Variants in GNAO1 observed in about 807,000 individuals in gnomAD.
GNAO1 encodes the protein G protein subunit alpha o1.
For missense variants in GNAO1, 166 were observed against 478.7 expected (o/e 0.35, Z 6.10); for synonymous variants, 164 against 180.7 (o/e 0.91, Z 0.74).
chr16:56,284,396 A>G (rs2037144715), intron 3 of GNAO1, among the ~76,000 whole-genome samples: 1 of 152,214 alleles, frequency 6.6e-6, no homozygotes, highest in East Asian at 1.9e-4. Flanking sequence ...GCCCTGCCAC[A>G]AGGAGCCTGA....
At chr16:56,241,019 G>A (rs143996810) in intron 2 of GNAO1, among the ~76,000 whole-genome samples, 3 of 152,154 alleles carry the variant, frequency 2.0e-5, no homozygotes, top group Non-Finnish European at 4.4e-5. Context: ...TCTCTCTAGG[G>A]CTCCGTACTC....
chr16:56,355,018 A>G lies in GNAO1; in HGVS notation c.1030A>G (p.Ile344Val). 6.2e-7 allele frequency: 1 copy of G among 1,613,710 alleles called. No homozygotes were observed. Among genetic ancestry groups the G allele is most frequent in the Non-Finnish European group, 8.5e-7 (1 of 1,179,750 alleles). ...VVFDAVTDII[I>V]ANNLRGCGLY Reference sequence around the variant, plus strand: ...GTTCGACGCCGTCACCGACATCATCATTGCCAACAACCTCCGGGGCTGCGG... The same window carrying G: ...GTTCGACGCCGTCACCGACATCATCGTTGCCAACAACCTCCGGGGCTGCGG... Residue 344 changes from isoleucine (I) to valine (V), a missense_variant, in exon 8 of 9, where the codon ATT (isoleucine) becomes GTT (valine). Coordinates refer to ENST00000262493, the MANE Select transcript of GNAO1 (RefSeq NM_020988.3).
intron 3 of GNAO1, among the ~76,000 whole-genome samples, chr16:56,293,715 G>A (rs1349037991): frequency 6.6e-6 from 1 of 152,188 alleles, no homozygotes; most frequent in Non-Finnish European, 1.5e-5. Context: ...ATCTATGACT[G>A]AAGATGAGGC....
rs539202298 is a variant in GNAO1, at chr16:56,256,982, A to G, written c.162-18949A>G. Among the ~76,000 whole-genome samples, 5 of 152,242 alleles carry G rather than the reference A, an allele frequency of 3.3e-5. No individual in the cohort carries two copies. The East Asian group carries it at 9.7e-4, about 29-fold the overall frequency. On this transcript the variant is annotated intron_variant, in intron 2 of 8. Transcript: ENST00000262493. The stretch of plus-strand genomic sequence containing the variant: ...AGAATGTTGAATCCCGTGGTGGGAA[A>G]GTTGTTTGTTCAGTTCTCTTTTAGT...
intron 2 of GNAO1, chr16:56,194,132 T>A (rs1191094363): frequency 2.2e-6 from 1 of 456,492 alleles, no homozygotes; most frequent in African/African-American, 2.0e-5. Flanking sequence ...TTTTCCCATC[T>A]GCTTGACATG....
At chr16:56,240,156 C>T (rs759652703) in intron 2 of GNAO1, among the ~76,000 whole-genome samples, 1 of 152,168 alleles carries the variant, frequency 6.6e-6, no homozygotes, top group Non-Finnish European at 1.5e-5. Context: ...ATCTCTTCCT[C>T]AGGTGTGTCT....
intron 2 of GNAO1, among the ~76,000 whole-genome samples, chr16:56,195,176 A>G (rs1288964158): frequency 4.0e-5 from 6 of 151,668 alleles, no homozygotes; most frequent in East Asian, 1.9e-4. Context: ...TTAAAGCACA[A>G]TACACCAACT....
At chr16:56,262,130 C>A (rs1193637950) in intron 2 of GNAO1, among the ~76,000 whole-genome samples, 2 of 152,208 alleles carry the variant, frequency 1.3e-5, no homozygotes, top group Non-Finnish European at 2.9e-5. Flanking sequence ...AAGTTGAGCT[C>A]CTATCTCTCA....
intron 2 of GNAO1, among the ~76,000 whole-genome samples, chr16:56,239,976 T>C (rs1301204399): frequency 3.9e-5 from 6 of 152,208 alleles, no homozygotes; most frequent in Admixed American, 1.3e-4. Context: ...AAGATGTTTA[T>C]AGGTCAGGCT....
chr16:56,343,839 G>A (rs2037833461), intron 6 of GNAO1: 1 of 1,613,786 alleles, frequency 6.2e-7, no homozygotes, highest in Admixed American at 1.7e-5. Context: ...CCCACAAAGA[G>A]ATCTACACCC....
rs139306704 is a variant in GNAO1 at position 56,222,180 on chromosome 16, G to A, written c.161+29564G>A. On this transcript the variant is annotated intron_variant, in intron 2 of 8. Coordinates refer to ENST00000262493, the MANE Select transcript of GNAO1 (RefSeq NM_020988.3). ...GCCCCTGAGAGTCTATGATTATCTC[G>A]CAGGAGAGATCTTTATGGGAGCCTT... 6.1e-4 allele frequency among the ~76,000 whole-genome samples: 92 copies of A among 151,982 alleles called. 2 individuals are homozygous for A. Among genetic ancestry groups the A allele is most frequent in the African/African-American group, 1.9e-3 (77 of 41,480 alleles).
At chr16:56,288,187 C>T (rs1004804738) in intron 3 of GNAO1, among the ~76,000 whole-genome samples, 3 of 152,208 alleles carry the variant, frequency 2.0e-5, no homozygotes, top group Admixed American at 1.3e-4. Context: ...CTTCTCTGTG[C>T]CAGCAGCATG....
chr16:56,236,310 C>G (rs1249982228), intron 2 of GNAO1, among the ~76,000 whole-genome samples: 4 of 152,136 alleles, frequency 2.6e-5, no homozygotes, highest in Non-Finnish European at 5.9e-5. Context: ...TGTATCTTTT[C>G]TAGTCCCTTC....
At chr16:56,341,017 C>T in intron 6 of GNAO1, 1 of 1,597,934 alleles carries the variant, frequency 6.3e-7, no homozygotes, top group Non-Finnish European at 8.6e-7. Context: ...CAGCAGGCCC[C>T]CGAGGGAGCG....
intron 6 of GNAO1, chr16:56,348,234 C>A: frequency 1.0e-6 from 1 of 979,040 alleles, no homozygotes; most frequent in Non-Finnish European, 1.2e-6. Context: ...GCCCAGGGAG[C>A]TCCTGCCAGG....
At chr16:56,336,959 C>G in intron 6 of GNAO1, 99 bp downstream of exon 6, 2 of 1,151,950 alleles carry the variant, frequency 1.7e-6, no homozygotes, top group South Asian at 2.9e-5. Context: ...CCCACAATGG[C>G]TCTGGGGTCC....
At chr16:56,287,946 G>A (rs1450208039) in intron 3 of GNAO1, among the ~76,000 whole-genome samples, 1 of 152,184 alleles carries the variant, frequency 6.6e-6, no homozygotes, top group Non-Finnish European at 1.5e-5. Context: ...TGCATAGACC[G>A]TGCACCAGTG....
At chr16:56,268,718 C>T (rs1177913879) in intron 2 of GNAO1, among the ~76,000 whole-genome samples, 1 of 152,134 alleles carries the variant, frequency 6.6e-6, no homozygotes, top group African/African-American at 2.4e-5. Flanking sequence ...CCTCTCCCTC[C>T]TTCTCCCTCC....
At chr16:56,308,959 G>A (rs1165554928) in intron 3 of GNAO1, among the ~76,000 whole-genome samples, 1 of 152,118 alleles carries the variant, frequency 6.6e-6, no homozygotes, top group South Asian at 2.1e-4. Flanking sequence ...GGGGTGAAGG[G>A]TACAGACTTT....
Sources: allele counts gnomAD v4.1 joint callset (sites outside exome capture counted in the v4.1 genomes callset), GRCh38; gene constraint gnomAD v4.1.1; transcripts MANE v1.5; gene names NCBI Gene and HGNC (gene_info 2026-07-23, HGNC 2026-07-21).